Variants in NFATC4 observed in about 807,000 individuals in gnomAD.
NFATC4 encodes nuclear factor of activated T-cells, cytoplasmic 4.
Under a neutral mutation model 73.4 loss-of-function variants are expected in NFATC4, and 25 were observed. The observed-to-expected ratio is 0.34, with a 90% CI of 0.25 to 0.48. NFATC4 has a LOEUF of 0.48. NFATC4 is among the 20% of genes least tolerant of loss of function. The pLI is 0.99. For synonymous variants in NFATC4, 523 were observed against 510.3 expected (o/e 1.02, Z -0.34); for missense variants, 1,130 against 1,203.7 (o/e 0.94, Z 0.91).
chr14:24,367,401 C>T (rs1407079156), upstream of NFATC4: 4 of 1,535,544 alleles, frequency 2.6e-6, no homozygotes, highest in African/African-American at 1.4e-5. Context: ...CTGCCAACTT[C>T]CCGTGGAGGC....
At chr14:24,375,869 A>C (rs959519834) in intron 7 of NFATC4, 106 bp from the exon 8 acceptor site, 2 of 1,565,984 alleles carry the variant, frequency 1.3e-6, no homozygotes, top group Non-Finnish European at 8.8e-7. Context: ...TGAACTTTGC[A>C]TCTTAGAAAA....
chr14:24,372,638 C>T, intron 3 of NFATC4, 35 bp downstream of exon 3: 1 of 1,612,702 alleles, frequency 6.2e-7, no homozygotes, highest in Admixed American at 1.7e-5. Context: ...TATCCTCTCT[C>T]CTCTCCCAGA....
upstream of NFATC4, chr14:24,367,222 G>GTT: frequency 6.2e-7 from 1 of 1,613,782 alleles, no homozygotes; most frequent in Non-Finnish European, 8.5e-7. Context: ...CAGGTGACAG[G>GTT]TGTCCAGCCT....
chr14:24,369,434 A>G, intron 1 of NFATC4, 65 bp from the exon 2 acceptor site: 1 of 1,610,004 alleles, frequency 6.2e-7, no homozygotes. Context: ...CACTCAAGGA[A>G]CATAGCCATC....
chr14:24,374,123 C>A (rs2042548760), intron 5 of NFATC4: 2 of 882,074 alleles, frequency 2.3e-6, no homozygotes, highest in South Asian at 2.9e-5. Context: ...CTGGTCTACC[C>A]TGTTTAACCC....
chr14:24,374,532 T>G, intron 6 of NFATC4, 66 bp downstream of exon 6: 54 of 1,503,618 alleles, frequency 3.6e-5, no homozygotes, highest in Non-Finnish European at 4.3e-5. Flanking sequence ...GAAACATCTC[T>G]GGCATTGTCA....
chr14:24,368,058 G>A (rs1255021898), upstream of NFATC4: 3 of 1,125,598 alleles, frequency 2.7e-6, no homozygotes, highest in Middle Eastern at 3.6e-4. Flanking sequence ...GGGAGGACGA[G>A]GGGCGCGTGG....
chr14:24,367,096 C>T (rs374928598), upstream of NFATC4: 9 of 1,613,850 alleles, frequency 5.6e-6, no homozygotes, highest in Non-Finnish European at 7.6e-6. Context: ...CCAGCCTCGC[C>T]AGTATCTCCC....
chr14:24,367,685 T>G, upstream of NFATC4: 1 of 1,533,636 alleles, frequency 6.5e-7, no homozygotes, highest in Non-Finnish European at 8.7e-7. Context: ...CCTTTTCCTC[T>G]TCCGAGCAAC....
upstream of NFATC4, chr14:24,367,960 G>C: frequency 8.7e-7 from 1 of 1,154,088 alleles, no homozygotes; most frequent in Non-Finnish European, 1.1e-6. Flanking sequence ...GGCAACATTA[G>C]TATCACTCTT....
In NFATC4 at chr14:24,373,933, T is replaced by C. The variant is rs755189601; in HGVS notation, c.1732+66T>C. On this transcript the variant is annotated intron_variant, in intron 5 of 9. Transcript: ENST00000250373. This position sits in a 1 kb window ranked among gnomAD's most constrained non-coding sequence, Gnocchi z 4.7. ...ACTCTTTTGTCTGTGTGTGTGTGTC[T>C]GTCTGCCCATTCCCTCTGCAGCGTC... 2.1e-5 allele frequency: 33 copies of C among 1,593,976 alleles called. No individual in the cohort carries two copies. Among genetic ancestry groups the C allele is most frequent in the Non-Finnish European group, 2.8e-5 (33 of 1,168,014 alleles).
At chr14:24,369,412 T>G (rs978290229) in intron 1 of NFATC4, 87 bp from the exon 2 acceptor site, 7 of 1,606,140 alleles carry the variant, frequency 4.4e-6, no homozygotes, top group Non-Finnish European at 5.9e-6. Flanking sequence ...ATAGAAGGAC[T>G]TGCGGCCTGG....
chr14:24,369,291 G>A, intron 1 of NFATC4: 3 of 1,561,394 alleles, frequency 1.9e-6, no homozygotes, highest in Non-Finnish European at 2.6e-6. Flanking sequence ...AGGATCCAGG[G>A]GCCAGTGGGC....
rs2042689098 is a variant in NFATC4 at position 24,378,531 on chromosome 14, A to G, written c.*826A>G. The G allele has an allele frequency of 6.5e-6, 1 of 152,886 alleles. No homozygotes were observed. The highest frequency in any genetic ancestry group is 2.1e-4 in the South Asian group (1 of 4,818). The allele number at this position is 152,886 out of a possible 1,614,324, so 9.5% of individuals were successfully genotyped here. On this transcript the variant is annotated 3_prime_UTR_variant, in exon 10 of 10. Transcript: ENST00000250373. ...TCCTGGGCTCCTGTCCCCAGCCCCC[A>G]TTCAGACACGCTGACTCAGGAGGTC...
intron 6 of NFATC4, among the ~76,000 whole-genome samples, chr14:24,375,034 T>G (rs914699949): frequency 1.3e-5 from 2 of 152,066 alleles, no homozygotes. Context: ...CACGGCTCAC[T>G]GCAGCCTCAA....
In NFATC4 at chr14:24,376,292, A is replaced by T. The variant is rs2042612759; in HGVS notation, c.2057-2A>T. ...ATGTCCTCCCACTTCCTGTCTTCCC[A>T]GTGATCTGCAAAGAGGAGCCCCTAC... On this transcript the variant is annotated splice_acceptor_variant, in intron 8 of 9. Transcript: ENST00000250373. LOFTEE classifies it high-confidence loss of function. This position sits in a 1 kb window ranked among gnomAD's most constrained non-coding sequence, Gnocchi z 5.0. 1 of 1,565,070 alleles carries T rather than the reference A, an allele frequency of 6.4e-7. No individual in the cohort carries two copies.
chr14:24,367,697 C>T (rs930256606), upstream of NFATC4: 6 of 1,528,744 alleles, frequency 3.9e-6, no homozygotes, highest in African/African-American at 8.2e-5. Context: ...CCGAGCAACT[C>T]GGTGCCACTC....
Position 24,372,450 on chromosome 14 carries a change from C to G in NFATC4, c.1206C>G (p.Ala402=). The part of the protein sequence containing the change: ...GGHSPIFRTS[A]LPPLDWPLPS... ...CTTCTCTCCCACCCAGGACCTCTGC[C>G]CTACCCCCACTGGACTGGCCTCTGC... The change falls in exon 3 of 10, where the codon GCC becomes GCG. Residue 402 remains alanine (A), a synonymous_variant. Transcript: ENST00000250373. The G allele has an allele frequency of 2.5e-6, 4 of 1,613,522 alleles. No individual in the cohort carries two copies. The highest frequency in any genetic ancestry group is 3.4e-6 in the Non-Finnish European group (4 of 1,180,022).
upstream of NFATC4, chr14:24,367,435 C>G: frequency 6.5e-7 from 1 of 1,535,708 alleles, no homozygotes; most frequent in Non-Finnish European, 8.7e-7. Flanking sequence ...CTCTGGGTGG[C>G]TGGGACAAGG....
Sources: gnomAD v4.1 joint callset for allele counts (sites outside exome capture counted in the v4.1 genomes callset) on GRCh38, gnomAD v4.1.1 for gene constraint, Gnocchi (gnomAD v3.1) non-coding constraint, MANE v1.5 for transcripts, NCBI Gene and HGNC (gene_info 2026-07-23, HGNC 2026-07-21) for gene names.